Variants in SCAPER observed in about 807,000 individuals in gnomAD.
The protein encoded by SCAPER is S-phase cyclin A associated protein in the ER.
Under a neutral mutation model 182.2 loss-of-function variants are expected in SCAPER, and 98 were observed. That is an observed-to-expected ratio of 0.54 (90% confidence interval 0.46 to 0.64). The LOEUF is 0.64. SCAPER is among the 30% of genes least tolerant of loss of function. SCAPER has a pLI of 0.00. For synonymous variants in SCAPER, 605 were observed against 564.6 expected (o/e 1.07, Z -1.01); for missense variants, 1,432 against 1,690.0 (o/e 0.85, Z 2.68).
intron 1 of SCAPER, among the ~76,000 whole-genome samples, chr15:76,903,209 A>G (rs911526082): frequency 7.2e-5 from 11 of 152,206 alleles, no homozygotes; most frequent in African/African-American, 2.4e-4. Context: ...TGAAGCACCA[A>G]TGGCAAACAT....
chr15:76,373,535 G>C (rs1014329241), intron 29 of SCAPER, among the ~76,000 whole-genome samples: 4 of 152,158 alleles, frequency 2.6e-5, no homozygotes, highest in Non-Finnish European at 4.4e-5. Flanking sequence ...TCCACAGAGA[G>C]GACAGAGCAT....
intron 5 of SCAPER, among the ~76,000 whole-genome samples, chr15:76,837,977 T>G (rs1234189338): frequency 6.6e-6 from 1 of 152,214 alleles, no homozygotes; most frequent in Non-Finnish European, 1.5e-5. Context: ...TCAGCCACCA[T>G]GGAAAGCAGT....
intron 2 of SCAPER, among the ~76,000 whole-genome samples, chr15:76,874,708 G>A: frequency 6.6e-6 from 1 of 152,182 alleles, no homozygotes; most frequent in East Asian, 1.9e-4. Context: ...TGTAATCCCA[G>A]CACTTGGGGA....
At chr15:76,715,082 C>G (rs2059816770) in intron 17 of SCAPER, among the ~76,000 whole-genome samples, 1 of 152,058 alleles carries the variant, frequency 6.6e-6, no homozygotes, top group South Asian at 2.1e-4. Flanking sequence ...GTTGTTAGCG[C>G]ACCCTCCTCT....
At chr15:76,818,911 C>T (rs751481910) in intron 5 of SCAPER, among the ~76,000 whole-genome samples, 11 of 152,246 alleles carry the variant, frequency 7.2e-5, no homozygotes, top group Non-Finnish European at 1.0e-4. Context: ...TTCCAACAGG[C>T]TTAACAAACG....
chr15:76,395,053 GTTTGT>G (rs1170697319), intron 27 of SCAPER, among the ~76,000 whole-genome samples: 2 of 149,434 alleles, frequency 1.3e-5, no homozygotes, highest in Admixed American at 6.7e-5. Context: ...ATCTCCATGA[GTTTGT>G]TTTGATTTTT....
intron 23 of SCAPER, among the ~76,000 whole-genome samples, chr15:76,536,160 T>C (rs2044141960): frequency 6.6e-6 from 1 of 152,228 alleles, no homozygotes; most frequent in African/African-American, 2.4e-5. Flanking sequence ...AAATACTGAA[T>C]ATCTCATGTA....
chr15:76,894,357 C>T (rs1375155526), intron 1 of SCAPER, among the ~76,000 whole-genome samples: 1 of 151,984 alleles, frequency 6.6e-6, no homozygotes, highest in Non-Finnish European at 1.5e-5. Flanking sequence ...CCCAAGAGTT[C>T]GAGGCTGTAG....
intron 8 of SCAPER, among the ~76,000 whole-genome samples, chr15:76,787,896 A>C (rs150777318): frequency 6.6e-6 from 1 of 152,348 alleles, no homozygotes; most frequent in East Asian, 1.9e-4. Context: ...CTGCTGTGCA[A>C]AACACCCTGT....
At position 76,800,388 on chromosome 15, in the gene SCAPER, G is replaced by C. The variant is rs145107750; in HGVS notation, c.495-24C>G. The C allele has an allele frequency of 1.6e-4, 218 of 1,397,584 alleles. 2 individuals carry two copies. In the East Asian group the frequency reaches 4.9e-3, roughly 32 times the overall value. 86.6% of individuals were successfully genotyped at this position (1,397,584 alleles called of 1,614,324 possible). ...GTCTGCGAATTCAATATATAAACCAGATTAAATTAACAGAGAAAAGGGAGA... is the reference window on the plus strand; with the variant it reads ...GTCTGCGAATTCAATATATAAACCACATTAAATTAACAGAGAAAAGGGAGA... On this transcript the variant is annotated intron_variant, in intron 6 of 31. Coordinates refer to ENST00000563290, the MANE Select transcript of SCAPER (RefSeq NM_020843.4).
At chr15:76,544,634 A>G (rs2045089772) in intron 23 of SCAPER, among the ~76,000 whole-genome samples, 1 of 152,202 alleles carries the variant, frequency 6.6e-6, no homozygotes. Context: ...GACAGAAAGT[A>G]GATTCATGGT....
At chr15:76,412,887 G>A (rs892539110) in intron 26 of SCAPER, among the ~76,000 whole-genome samples, 6 of 151,930 alleles carry the variant, frequency 3.9e-5, no homozygotes, top group Non-Finnish European at 2.9e-5. Context: ...ATATATCTCC[G>A]TTTATTTAGG....
intron 15 of SCAPER, 24 bp from the exon 16 acceptor site, chr15:76,733,408 G>C: frequency 1.2e-6 from 2 of 1,605,468 alleles, no homozygotes; most frequent in Non-Finnish European, 1.7e-6. Context: ...AAGAAGGTAA[G>C]GTTCAGATCA....
At chr15:76,887,039 T>A (rs545715153) in intron 1 of SCAPER, among the ~76,000 whole-genome samples, 1 of 152,114 alleles carries the variant, frequency 6.6e-6, no homozygotes, top group South Asian at 2.1e-4. Flanking sequence ...TGAGGAAAAA[T>A]AATTGATGGG....
intron 23 of SCAPER, among the ~76,000 whole-genome samples, chr15:76,513,188 T>C (rs568037876): frequency 5.5e-4 from 84 of 152,320 alleles, no homozygotes; most frequent in African/African-American, 1.9e-3. Context: ...AGAGCAGGAA[T>C]GGTAAATACC....
intron 22 of SCAPER, among the ~76,000 whole-genome samples, chr15:76,583,019 C>T (rs1232471976): frequency 6.6e-6 from 1 of 152,090 alleles, no homozygotes. Flanking sequence ...TACAAGAAGA[C>T]ACTAAAGAAA....
chr15:76,580,954 G>A (rs1329080135), intron 22 of SCAPER, among the ~76,000 whole-genome samples: 1 of 152,000 alleles, frequency 6.6e-6, no homozygotes. Context: ...AATCAGAGAT[G>A]AAAAAGGAGA....
At chr15:76,460,602 T>C (rs922950882) in intron 25 of SCAPER, among the ~76,000 whole-genome samples, 51 of 152,286 alleles carry the variant, frequency 3.3e-4, no homozygotes, top group Non-Finnish European at 4.4e-4. Context: ...TACAAAAAAA[T>C]GTTCATGTCT....
chr15:76,618,804 GAGAA>G (rs1288542362), intron 22 of SCAPER, among the ~76,000 whole-genome samples: 1 of 152,142 alleles, frequency 6.6e-6, no homozygotes, highest in Non-Finnish European at 1.5e-5. Flanking sequence ...TTACAAAAAT[GAGAA>G]AGAAAGTGAT....
Sources: allele counts gnomAD v4.1 joint callset (sites outside exome capture counted in the v4.1 genomes callset), GRCh38; gene constraint gnomAD v4.1.1; transcripts MANE v1.5; gene names NCBI Gene and HGNC (gene_info 2026-07-23, HGNC 2026-07-21).